The following LINGO2 variants were observed in gnomAD, a reference collection of about 807,000 sequenced individuals.
The protein encoded by LINGO2 is leucine rich repeat and Ig domain containing 2, also known as leucine-rich repeat and immunoglobulin-like domain-containing nogo receptor-interacting protein 2.
LINGO2 carries 14 observed loss-of-function variants against 30.6 expected under a neutral mutation model. The ratio of observed to expected loss-of-function variants is 0.46; its 90% CI spans 0.30 to 0.72. The LOEUF (loss-of-function observed/expected upper bound fraction) is 0.72, where lower values mean the gene tolerates loss of function less well. Among genes scored for constraint, LINGO2 ranks in the 30% least tolerant of loss-of-function variants. LINGO2 has a pLI of 0.07. For synonymous variants in LINGO2, 317 were observed against 288.5 expected, an observed-to-expected ratio of 1.10 and a Z score of -1.00; for missense variants, 729 against 751.7, an observed-to-expected ratio of 0.97 and a Z score of 0.35.
intron 4 of LINGO2, among the ~76,000 whole-genome samples, chr9:28,091,288 G>A (rs1826076988): frequency 1.3e-5 from 2 of 152,144 alleles, no homozygotes; most frequent in African/African-American, 2.4e-5. Context: ...CAAAGCTGGA[G>A]GCATCATGCT....
intron 1 of LINGO2, among the ~76,000 whole-genome samples, chr9:28,636,794 T>G (rs962354199): frequency 1.3e-5 from 2 of 152,210 alleles, no homozygotes; most frequent in Non-Finnish European, 2.9e-5. Flanking sequence ...TGATGTTAGT[T>G]TCTTTTGCTG....
chr9:28,982,071 CA>C, the LINGO2 span, among the ~76,000 whole-genome samples: 1 of 152,012 alleles, frequency 6.6e-6, no homozygotes, highest in Non-Finnish European at 1.5e-5. Context: ...GTGTGTTTCT[CA>C]AAATGCAGTG....
At chr9:28,019,569 G>A (rs1823012963) in intron 4 of LINGO2, among the ~76,000 whole-genome samples, 1 of 152,026 alleles carries the variant, frequency 6.6e-6, no homozygotes, top group Non-Finnish European at 1.5e-5. Context: ...TTTGCTATGA[G>A]TAAAATAGCA....
the LINGO2 span, among the ~76,000 whole-genome samples, chr9:28,853,840 T>C: frequency 3.3e-5 from 5 of 151,972 alleles, no homozygotes; most frequent in Non-Finnish European, 5.9e-5. Flanking sequence ...GTGGGGATTA[T>C]GGGGATTATA....
chr9:28,018,358 G>C (rs1055665938), intron 4 of LINGO2, among the ~76,000 whole-genome samples: 6 of 152,152 alleles, frequency 3.9e-5, no homozygotes, highest in Non-Finnish European at 8.8e-5. Context: ...ATTGACAAAT[G>C]GGACCTAATT....
At chr9:29,154,322 C>A in the LINGO2 span, among the ~76,000 whole-genome samples, 1 of 151,630 alleles carries the variant, frequency 6.6e-6, no homozygotes, top group Admixed American at 6.6e-5. Context: ...TGGTGGCGGG[C>A]GCCTGTAGTC....
the LINGO2 span, among the ~76,000 whole-genome samples, chr9:28,877,483 T>C: frequency 0.037 from 5,577 of 152,260 alleles, 323 homozygotes; most frequent in African/African-American, 0.12. Flanking sequence ...TAGCCAGTTT[T>C]CCCAGCTCCA....
At chr9:28,151,368 T>C (rs942259345) in intron 4 of LINGO2, among the ~76,000 whole-genome samples, 2 of 151,974 alleles carry the variant, frequency 1.3e-5, no homozygotes, top group Non-Finnish European at 2.9e-5. Context: ...TGGATTATGT[T>C]ATGCTTTCTT....
At chr9:28,961,419 C>G in the LINGO2 span, among the ~76,000 whole-genome samples, 3 of 152,082 alleles carry the variant, frequency 2.0e-5, no homozygotes, top group African/African-American at 7.2e-5. Context: ...TAATACATAG[C>G]CCATAATTGT....
At chr9:28,855,201 T>G in the LINGO2 span, among the ~76,000 whole-genome samples, 28 of 151,948 alleles carry the variant, frequency 1.8e-4, no homozygotes, top group Non-Finnish European at 5.9e-5. Context: ...TGCAGACTAT[T>G]TGCGATCCTC....
At chr9:28,174,931 A>T (rs377501483) in intron 4 of LINGO2, among the ~76,000 whole-genome samples, 35 of 125,706 alleles carry the variant, frequency 2.8e-4, no homozygotes, top group African/African-American at 4.0e-4. Context: ...TGAGAGAGAG[A>T]GAGAGAGAGA....
chr9:28,048,027 CATT>C (rs149659677), intron 4 of LINGO2, among the ~76,000 whole-genome samples: 2,841 of 150,758 alleles, frequency 0.019, 204 homozygotes, highest in African/African-American at 0.066. Context: ...TCACATTAGA[CATT>C]AAACTTACAA....
chr9:27,987,707 C>T (rs370996258), intron 5 of LINGO2, among the ~76,000 whole-genome samples: 79 of 152,012 alleles, frequency 5.2e-4, no homozygotes, highest in Middle Eastern at 3.4e-3. Context: ...TTGTGTTTCT[C>T]AGACTGTGGC....
At chr9:28,131,285 T>C (rs974031441) in intron 4 of LINGO2, among the ~76,000 whole-genome samples, 6 of 152,120 alleles carry the variant, frequency 3.9e-5, no homozygotes, top group South Asian at 2.1e-4. Context: ...CTAGAAAAAG[T>C]ATCCCCCTGA....
intron 4 of LINGO2, among the ~76,000 whole-genome samples, chr9:28,280,180 G>C (rs186729324): frequency 6.6e-6 from 1 of 152,018 alleles, no homozygotes; most frequent in Non-Finnish European, 1.5e-5. Flanking sequence ...AGTAGTGTGC[G>C]GAAAAATTAC....
intron 4 of LINGO2, among the ~76,000 whole-genome samples, chr9:28,187,560 T>C (rs559002916): frequency 1.7e-4 from 25 of 151,286 alleles, no homozygotes; most frequent in African/African-American, 5.1e-4. Context: ...ACTGGATGGA[T>C]AGAATTGTCA....
intron 1 of LINGO2, among the ~76,000 whole-genome samples, chr9:28,579,218 C>G (rs1824141815): frequency 1.3e-5 from 2 of 152,070 alleles, no homozygotes; most frequent in South Asian, 4.1e-4. Context: ...TGTGAGTTTT[C>G]TTTTCCCTTA....
At chr9:28,383,738 C>T (rs1686635571) in intron 2 of LINGO2, among the ~76,000 whole-genome samples, 3 of 151,956 alleles carry the variant, frequency 2.0e-5, no homozygotes, top group African/African-American at 7.2e-5. Flanking sequence ...TTCAGATATT[C>T]CCAGGGGTGC....
At chr9:28,541,194 AT>A (rs955676023) in intron 1 of LINGO2, among the ~76,000 whole-genome samples, 34 of 152,140 alleles carry the variant, frequency 2.2e-4, no homozygotes, top group African/African-American at 8.2e-4. Context: ...ATTTCATTCT[AT>A]GTTTAAGATA....
Sources: gnomAD v4.1 joint callset for allele counts (sites outside exome capture counted in the v4.1 genomes callset) on GRCh38, gnomAD v4.1.1 for gene constraint, MANE v1.5 for transcripts, NCBI Gene and HGNC (gene_info 2026-07-23, HGNC 2026-07-21) for gene names.